Variants in XKR4 observed in about 807,000 individuals in gnomAD.
The protein encoded by XKR4 is XK-related protein 4.
A neutral mutation model predicts 53.9 loss-of-function variants in XKR4; 12 were observed. The observed-to-expected ratio is 0.22, with a 90% CI of 0.14 to 0.36. XKR4 has a LOEUF of 0.36. XKR4 is among the 10% of genes least tolerant of loss of function. XKR4 has a pLI of 1.00. For missense variants in XKR4, 799 were observed against 859.5 expected (o/e 0.93, Z 0.88); for synonymous variants, 354 against 362.4 (o/e 0.98, Z 0.26).
intron 1 of XKR4, among the ~76,000 whole-genome samples, chr8:55,207,149 G>T (rs539658608): frequency 1.5e-3 from 231 of 152,240 alleles, no homozygotes; most frequent in Non-Finnish European, 2.9e-3. Flanking sequence ...TCCCGTTCTC[G>T]TCTCCCCTGC....
intron 1 of XKR4, among the ~76,000 whole-genome samples, chr8:55,326,038 T>A (rs1803286838): frequency 6.6e-6 from 1 of 152,168 alleles, no homozygotes; most frequent in Non-Finnish European, 1.5e-5. Context: ...AGCCTGTGAT[T>A]TTGAATGCCA....
chr8:55,360,789 A>G (rs1803891679), intron 2 of XKR4, among the ~76,000 whole-genome samples: 1 of 152,230 alleles, frequency 6.6e-6, no homozygotes, highest in African/African-American at 2.4e-5. Context: ...TATAACTGTT[A>G]TTAGGTATTG....
At chr8:55,375,323 G>T (rs1804131124) in intron 2 of XKR4, among the ~76,000 whole-genome samples, 1 of 152,194 alleles carries the variant, frequency 6.6e-6, no homozygotes, top group Admixed American at 6.5e-5. Context: ...CTCCTTGCCT[G>T]CCTCCAATGG....
chr8:55,535,751 T>TG lies in XKR4; in HGVS notation c.*11524_*11525insG, dbSNP rs1275840951. The TG allele has an allele frequency of 1.3e-5, 2 of 152,122 alleles. No homozygotes were observed. Among genetic ancestry groups the TG allele is most frequent in the African/African-American group, 4.8e-5 (2 of 41,426 alleles). The allele number at this position is 152,122 out of a possible 1,614,324, so 9.4% of individuals were successfully genotyped here. On this transcript the variant is annotated 3_prime_UTR_variant, in exon 3 of 3. Transcript: ENST00000327381. ...AGAAGTTCAAAATAGTCACAGCCAG[T>TG]CCATAACTATAACAACAGACATGTC...
chr8:55,216,871 TA>T (rs1817807425), intron 1 of XKR4, among the ~76,000 whole-genome samples: 1 of 150,466 alleles, frequency 6.6e-6, no homozygotes, highest in Non-Finnish European at 1.5e-5. Flanking sequence ...GCCATATATA[TA>T]AATAAGAAAG....
intron 1 of XKR4, among the ~76,000 whole-genome samples, chr8:55,212,557 T>C (rs907665318): frequency 6.6e-6 from 1 of 152,176 alleles, no homozygotes; most frequent in African/African-American, 2.4e-5. Context: ...TCTATTCCCA[T>C]CATGGCCTAA....
chr8:55,196,558 T>A (rs1817510061), intron 1 of XKR4, among the ~76,000 whole-genome samples: 1 of 152,222 alleles, frequency 6.6e-6, no homozygotes, highest in South Asian at 2.1e-4. Flanking sequence ...CATTGCATTA[T>A]TATCTAACAA....
intron 2 of XKR4, among the ~76,000 whole-genome samples, chr8:55,500,090 C>T (rs535214410): frequency 1.3e-4 from 20 of 150,524 alleles, no homozygotes; most frequent in African/African-American, 4.9e-4. Context: ...AAGGTGTCCT[C>T]GAAATGCTCT....
chr8:55,277,194 A>G (rs894215233), intron 1 of XKR4, among the ~76,000 whole-genome samples: 1 of 152,196 alleles, frequency 6.6e-6, no homozygotes, highest in African/African-American at 2.4e-5. Flanking sequence ...GACCCTGTTC[A>G]ATTATGTGCA....
chr8:55,478,361 T>C lies in XKR4; in HGVS notation c.1007-44920T>C, dbSNP rs1022733059. Reference sequence around the variant, plus strand: ...GACAAGCAAATGCTGAGAGATTTTGTCACCACCAGGCCTGCCCTAAAAGAG... The same window carrying C: ...GACAAGCAAATGCTGAGAGATTTTGCCACCACCAGGCCTGCCCTAAAAGAG... On this transcript the variant is annotated intron_variant, in intron 2 of 2. Coordinates refer to ENST00000327381, the MANE Select transcript of XKR4 (RefSeq NM_052898.2). Among the ~76,000 whole-genome samples the C allele has an allele frequency of 2.0e-4, 31 of 152,120 alleles. 2 individuals carry two copies. The highest frequency in any genetic ancestry group is 6.8e-4 in the African/African-American group (28 of 41,428).
Position 55,355,955 on chromosome 8 carries a change from C to A in XKR4, c.807-1723C>A, listed in dbSNP as rs185890973. On this transcript the variant is annotated intron_variant, in intron 1 of 2. Coordinates refer to ENST00000327381, the MANE Select transcript of XKR4 (RefSeq NM_052898.2). ...CCAATCTCCAACTAAAACTGTGAAA[C>A]TTTTGGGTCTGTGTAACCAAAAGAA... Among the ~76,000 whole-genome samples the A allele has an allele frequency of 5.6e-4, 86 of 152,322 alleles. 1 individual carries two copies. Among genetic ancestry groups the A allele is most frequent in the Middle Eastern group, 6.8e-3 (2 of 294 alleles).
At chr8:55,323,757 T>A (rs1803251719) in intron 1 of XKR4, among the ~76,000 whole-genome samples, 1 of 152,236 alleles carries the variant, frequency 6.6e-6, no homozygotes, top group African/African-American at 2.4e-5. Flanking sequence ...CTATGTGTCC[T>A]TAATGCTTTG....
chr8:55,286,840 C>T (rs1355011992), intron 1 of XKR4, among the ~76,000 whole-genome samples: 1 of 151,962 alleles, frequency 6.6e-6, no homozygotes, highest in Non-Finnish European at 1.5e-5. Context: ...TTTAAAATAC[C>T]AAGAATTAAA....
At chr8:55,208,395 G>A (rs1817679101) in intron 1 of XKR4, among the ~76,000 whole-genome samples, 1 of 152,202 alleles carries the variant, frequency 6.6e-6, no homozygotes, top group African/African-American at 2.4e-5. Context: ...TTTAAGTGAA[G>A]GGGGTTTCTA....
intron 2 of XKR4, among the ~76,000 whole-genome samples, chr8:55,479,931 T>C (rs1013450002): frequency 6.6e-6 from 1 of 152,024 alleles, no homozygotes; most frequent in African/African-American, 2.4e-5. Context: ...CAAAGAAAAG[T>C]CCAGGACCAG....
chr8:55,481,604 A>T (rs1428448521), intron 2 of XKR4, among the ~76,000 whole-genome samples: 1 of 152,088 alleles, frequency 6.6e-6, no homozygotes, highest in African/African-American at 2.4e-5. Flanking sequence ...CAGAGTGAAC[A>T]GGCAACCTAC....
At chr8:55,444,617 A>C (rs1805318232) in intron 2 of XKR4, among the ~76,000 whole-genome samples, 1 of 152,242 alleles carries the variant, frequency 6.6e-6, no homozygotes, top group Non-Finnish European at 1.5e-5. Context: ...CAATCATGGG[A>C]ATATACATCA....
intron 2 of XKR4, among the ~76,000 whole-genome samples, chr8:55,359,663 T>C (rs1022198008): frequency 2.0e-5 from 3 of 152,182 alleles, no homozygotes; most frequent in African/African-American, 4.8e-5. Context: ...GTATCTCTAC[T>C]AGTTTTCTAA....
intron 1 of XKR4, among the ~76,000 whole-genome samples, chr8:55,186,416 G>A (rs1817377369): frequency 6.6e-6 from 1 of 152,168 alleles, no homozygotes; most frequent in African/African-American, 2.4e-5. Flanking sequence ...AGCACTTTGG[G>A]AGGCCAAGGA....
Sources: allele counts gnomAD v4.1 joint callset (sites outside exome capture counted in the v4.1 genomes callset), GRCh38; gene constraint gnomAD v4.1.1; transcripts MANE v1.5; gene names NCBI Gene and HGNC (gene_info 2026-07-23, HGNC 2026-07-21).